The following CCDC148 variants were observed in gnomAD, a reference collection of about 807,000 sequenced individuals.
The protein encoded by CCDC148 is coiled-coil domain containing 148.
A neutral mutation model predicts 85.7 loss-of-function variants in CCDC148; 89 were observed. The ratio of observed to expected loss-of-function variants is 1.04; its 90% confidence interval spans 0.87 to 1.24. The LOEUF (loss-of-function observed/expected upper bound fraction) is 1.24, where lower values mean the gene tolerates loss of function less well. Among genes scored for constraint, CCDC148 ranks in the 50% most tolerant of loss-of-function variants. The pLI is 0.00. For missense variants in CCDC148, 692 were observed against 671.7 expected (o/e 1.03, Z -0.33); for synonymous variants, 230 against 213.9 (o/e 1.08, Z -0.66).
chr2:158,435,563 T>C (rs1687606028), intron 1 of CCDC148, among the ~76,000 whole-genome samples: 1 of 152,040 alleles, frequency 6.6e-6, no homozygotes, highest in Non-Finnish European at 1.5e-5. Flanking sequence ...GAAGAAACTG[T>C]ATAAACTAAC....
intron 7 of CCDC148, among the ~76,000 whole-genome samples, chr2:158,330,686 A>C (rs1046830613): frequency 1.3e-5 from 2 of 151,910 alleles, no homozygotes; most frequent in Non-Finnish European, 2.9e-5. Flanking sequence ...TCAATTTCAG[A>C]GCCTGTTATT....
intron 9 of CCDC148, among the ~76,000 whole-genome samples, chr2:158,278,279 T>C (rs922670686): frequency 6.6e-6 from 1 of 151,980 alleles, no homozygotes; most frequent in Non-Finnish European, 1.5e-5. Context: ...TGGGTGCAGG[T>C]CAGTGGGTGC....
chr2:158,252,073 T>A (rs571331146), intron 9 of CCDC148, among the ~76,000 whole-genome samples: 1 of 151,784 alleles, frequency 6.6e-6, no homozygotes, highest in East Asian at 1.9e-4. Flanking sequence ...TGTAGAGGTA[T>A]GCAAAATTCT....
In CCDC148 at chr2:158,345,807, G is replaced by C. The variant is rs761585204; in HGVS notation, c.148-489C>G. On this transcript the variant is annotated intron_variant, in intron 2 of 13. Coordinates refer to ENST00000283233, the MANE Select transcript of CCDC148 (RefSeq NM_138803.4). ...AACAAAGAACCTTGATGTTTAGATT[G>C]GCTTCTATCTGATCCCTCAGCATAA... is the stretch of plus-strand genomic sequence containing the variant. Among the ~76,000 whole-genome samples, 6 of 152,108 alleles carry C rather than the reference G, an allele frequency of 3.9e-5. 1 individual carries two copies. The highest frequency in any genetic ancestry group is 4.1e-4 in the South Asian group (2 of 4,830).
intron 10 of CCDC148, among the ~76,000 whole-genome samples, chr2:158,227,289 G>A (rs957019176): frequency 2.0e-5 from 3 of 149,848 alleles, no homozygotes; most frequent in African/African-American, 7.5e-5. Context: ...ACAAACCATG[G>A]CTCAATGAAA....
intron 10 of CCDC148, among the ~76,000 whole-genome samples, chr2:158,226,953 A>C (rs1223891952): frequency 2.6e-5 from 4 of 152,062 alleles, no homozygotes; most frequent in African/African-American, 4.8e-5. Flanking sequence ...AAGTTCTGAC[A>C]AGGGCAATCA....
In CCDC148 at chr2:158,456,025, CTATCTT is replaced by C. The variant is rs1487780129; in HGVS notation, c.25+384_25+389del. On this transcript the variant is annotated intron_variant, in intron 1 of 13. Transcript: ENST00000283233. ...GTGTGAAGGATTGTTTCTGTTTCCTCTATCTTTAACAAGCCTGTAACCTCTCAAGTG... is the reference window on the plus strand; with the variant it reads ...GTGTGAAGGATTGTTTCTGTTTCCTCTAACAAGCCTGTAACCTCTCAAGTG... Among the ~76,000 whole-genome samples the C allele has an allele frequency of 1.3e-5, 2 of 152,188 alleles. 1 individual carries two copies. Among genetic ancestry groups the C allele is most frequent in the Non-Finnish European group, 2.9e-5 (2 of 68,040 alleles).
intron 1 of CCDC148, among the ~76,000 whole-genome samples, chr2:158,370,468 T>A (rs1229866327): frequency 6.6e-6 from 1 of 152,082 alleles, no homozygotes; most frequent in Non-Finnish European, 1.5e-5. Context: ...ACAAAAGTTC[T>A]TTTGCTACTG....
intron 11 of CCDC148, among the ~76,000 whole-genome samples, chr2:158,217,370 G>GTATATATATATATA (rs1453254522): frequency 8.3e-4 from 63 of 75,496 alleles, no homozygotes; most frequent in African/African-American, 2.2e-3. Context: ...TTTTGTGTGT[G>GTATATATATATATA]TGTGTATATA....
intron 8 of CCDC148, among the ~76,000 whole-genome samples, chr2:158,310,559 C>T (rs532977149): frequency 6.6e-6 from 1 of 151,934 alleles, no homozygotes; most frequent in African/African-American, 2.4e-5. Context: ...CCCCCCACCT[C>T]CCAGACAGGG....
chr2:158,409,937 A>G lies in CCDC148; in HGVS notation c.25+46478T>C, dbSNP rs576885048. Among the ~76,000 whole-genome samples the G allele has an allele frequency of 9.9e-5, 15 of 152,156 alleles. No homozygotes were observed. The South Asian group carries it at 2.7e-3, about 27-fold the overall frequency. On this transcript the variant is annotated intron_variant, in intron 1 of 13. Coordinates refer to ENST00000283233, the MANE Select transcript of CCDC148 (RefSeq NM_138803.4). ...ACAAGATCTGATGGTTTTATAAGAA[A>G]TCCCTTTCACTTGGCTGTCATTCTC...
chr2:158,210,876 G>C (rs137996997), intron 11 of CCDC148, among the ~76,000 whole-genome samples: 8,134 of 149,238 alleles, frequency 0.055, 329 homozygotes, highest in African/African-American at 0.12. Context: ...GGAGAATGGC[G>C]TGAATCTGGG....
intron 10 of CCDC148, among the ~76,000 whole-genome samples, chr2:158,224,624 C>A (rs563735129): frequency 4.6e-5 from 7 of 152,154 alleles, no homozygotes; most frequent in Non-Finnish European, 1.0e-4. Context: ...AACTCTCAAG[C>A]CAGAAGAGAG....
intron 1 of CCDC148, among the ~76,000 whole-genome samples, chr2:158,437,519 T>G (rs2105338942): frequency 6.6e-6 from 1 of 152,250 alleles, no homozygotes; most frequent in East Asian, 1.9e-4. Flanking sequence ...ACAGCCAATA[T>G]CATACTGAAT....
rs752082258 is a variant in CCDC148 at position 158,172,290 on chromosome 2, A to G, written c.1630-31T>C. On this transcript the variant is annotated intron_variant, in intron 13 of 13. Coordinates refer to ENST00000283233, the MANE Select transcript of CCDC148 (RefSeq NM_138803.4). Reference sequence around the variant, plus strand: ...GAAATAAAAATACAATTTAAATAACAATTCATTGAACTAAAATAACTTTTA... The same window carrying G: ...GAAATAAAAATACAATTTAAATAACGATTCATTGAACTAAAATAACTTTTA... The G allele has an allele frequency of 3.9e-5, 58 of 1,475,138 alleles. 1 individual carries two copies. Among genetic ancestry groups the G allele is most frequent in the Middle Eastern group, 2.1e-4 (1 of 4,872 alleles). The allele number at this position is 1,475,138 out of a possible 1,614,324, so 91.4% of individuals were successfully genotyped here.
intron 7 of CCDC148, among the ~76,000 whole-genome samples, chr2:158,329,329 A>T (rs971757879): frequency 2.0e-5 from 3 of 152,180 alleles, no homozygotes; most frequent in African/African-American, 7.2e-5. Context: ...GGTTGTAGAT[A>T]TGCGGCATTA....
At chr2:158,301,177 G>C (rs1300989516) in intron 9 of CCDC148, among the ~76,000 whole-genome samples, 2 of 152,148 alleles carry the variant, frequency 1.3e-5, no homozygotes, top group Non-Finnish European at 2.9e-5. Context: ...ATTTTAGATA[G>C]AGCATTCTGC....
At chr2:158,438,673 T>C (rs1315657024) in intron 1 of CCDC148, among the ~76,000 whole-genome samples, 1 of 152,010 alleles carries the variant, frequency 6.6e-6, no homozygotes, top group Non-Finnish European at 1.5e-5. Context: ...GAAACTACCA[T>C]CAGAGTGAAC....
At chr2:158,412,134 T>C (rs1333235889) in intron 1 of CCDC148, among the ~76,000 whole-genome samples, 1 of 152,190 alleles carries the variant, frequency 6.6e-6, no homozygotes, top group Admixed American at 6.5e-5. Context: ...GGGGTCCTCC[T>C]GCTTTCCTTT....
Sources: allele counts gnomAD v4.1 joint callset (sites outside exome capture counted in the v4.1 genomes callset), GRCh38; gene constraint gnomAD v4.1.1; transcripts MANE v1.5; gene names NCBI Gene and HGNC (gene_info 2026-07-23, HGNC 2026-07-21).